The following RFX4 variants were observed in gnomAD, a reference collection of about 807,000 sequenced individuals.
RFX4 encodes the protein regulatory factor X4, also known as transcription factor RFX4.
RFX4 carries 10 observed loss-of-function variants against 95.0 expected under a neutral mutation model. That is an observed-to-expected ratio of 0.11 (90% CI 0.06 to 0.18). RFX4 has a LOEUF of 0.18. Among genes scored for constraint, RFX4 ranks in the 10% least tolerant of loss-of-function variants. The pLI is 1.00. For missense variants in RFX4, 640 were observed against 922.0 expected (o/e 0.69, Z 3.96); for synonymous variants, 321 against 340.7 (o/e 0.94, Z 0.64).
chr12:106,645,909 G>A (rs1182230416), intron 3 of RFX4: 10 of 1,288,964 alleles, frequency 7.8e-6, no homozygotes, highest in South Asian at 1.2e-5. Flanking sequence ...GTGTCCCTCC[G>A]GATGACCTCA....
intron 3 of RFX4, among the ~76,000 whole-genome samples, chr12:106,639,762 T>C (rs1183178769): frequency 1.3e-5 from 2 of 152,210 alleles, no homozygotes; most frequent in African/African-American, 4.8e-5. Flanking sequence ...CAATTGTATA[T>C]AATTATTTTA....
rs773161458 is a variant in RFX4 at position 106,696,370 on chromosome 12, G to A, written c.757G>A (p.Gly253Ser). ...LGSSTVVNIV[G>S]VCDSILYKAI... ...CTCCTCCACGGTGGTGAACATTGTC[G>A]GCGTGTGTGACTCCATCCTCTACAA... Residue 253 changes from glycine (G) to serine (S), a missense_variant, in exon 8 of 18, where the codon GGC becomes AGC. This residue lies in a region of RFX4 where 96 missense variants were observed against 183.7 expected (regional missense o/e 0.52). Coordinates refer to ENST00000392842, the MANE Select transcript of RFX4 (RefSeq NM_213594.3). The A allele has an allele frequency of 1.2e-6, 2 of 1,614,064 alleles. No homozygotes were observed. The highest frequency in any genetic ancestry group is 1.7e-6 in the Non-Finnish European group (2 of 1,180,006).
chr12:106,740,595 T>C (rs981355870), intron 15 of RFX4, among the ~76,000 whole-genome samples: 3 of 152,176 alleles, frequency 2.0e-5, no homozygotes, highest in Non-Finnish European at 4.4e-5. Flanking sequence ...TCAACAAATA[T>C]ATATTTCGTG....
At chr12:106,668,627 G>T (rs2041222938) in intron 4 of RFX4, among the ~76,000 whole-genome samples, 1 of 151,894 alleles carries the variant, frequency 6.6e-6, no homozygotes, top group South Asian at 2.1e-4. Flanking sequence ...AGGATGAAGG[G>T]GAAAAAAGAA....
intron 17 of RFX4, among the ~76,000 whole-genome samples, chr12:106,756,064 C>T (rs1368398831): frequency 6.6e-6 from 1 of 152,204 alleles, no homozygotes; most frequent in African/African-American, 2.4e-5. Context: ...TTCCTGGGTA[C>T]TACAAAGGTA....
chr12:106,589,247 A>G (rs2039505016), intron 1 of RFX4, among the ~76,000 whole-genome samples: 1 of 152,196 alleles, frequency 6.6e-6, no homozygotes. Flanking sequence ...AAAATAGACT[A>G]CTTTGGGTTT....
intron 7 of RFX4, among the ~76,000 whole-genome samples, chr12:106,695,336 A>T (rs1212378685): frequency 6.6e-6 from 1 of 152,180 alleles, no homozygotes; most frequent in Non-Finnish European, 1.5e-5. Flanking sequence ...AGATTTTCTC[A>T]AATGTTATTA....
At chr12:106,755,839 G>A (rs752972182) in intron 17 of RFX4, among the ~76,000 whole-genome samples, 1 of 152,200 alleles carries the variant, frequency 6.6e-6, no homozygotes, top group Non-Finnish European at 1.5e-5. Flanking sequence ...AATATGGTTG[G>A]AGAAATGCAA....
At chr12:106,589,834 G>GA (rs2137164681) in intron 1 of RFX4, among the ~76,000 whole-genome samples, 2 of 152,356 alleles carry the variant, frequency 1.3e-5, no homozygotes, top group East Asian at 3.9e-4. Context: ...CTTTAAGGGG[G>GA]ATTTTAAATG....
chr12:106,666,909 GC>G (rs2041187948), intron 4 of RFX4, among the ~76,000 whole-genome samples: 1 of 151,708 alleles, frequency 6.6e-6, no homozygotes, highest in African/African-American at 2.4e-5. Flanking sequence ...CTGGTTCTGA[GC>G]CTTGCTGTTT....
At chr12:106,596,322 G>T (rs1322535566) in intron 1 of RFX4, among the ~76,000 whole-genome samples, 4 of 152,148 alleles carry the variant, frequency 2.6e-5, no homozygotes, top group Admixed American at 6.5e-5. Context: ...TGCCATCCAC[G>T]TAAGATGTGA....
intron 4 of RFX4, among the ~76,000 whole-genome samples, chr12:106,666,593 T>C (rs1370529732): frequency 6.6e-6 from 1 of 152,202 alleles, no homozygotes; most frequent in African/African-American, 2.4e-5. Context: ...GATGTTCTGT[T>C]CGGTTTTTCA....
At position 106,707,331 on chromosome 12, in the gene RFX4, A is replaced by T. The variant is rs566375390; in HGVS notation, c.834-1999A>T. ...TGCAAAAGTTAAGTGCAGACAGTGAATCTGCACAGATGGGAATTTCGCAGA... is the reference window on the plus strand; with the variant it reads ...TGCAAAAGTTAAGTGCAGACAGTGATTCTGCACAGATGGGAATTTCGCAGA... On this transcript the variant is annotated intron_variant, in intron 8 of 17. Coordinates refer to ENST00000392842, the MANE Select transcript of RFX4 (RefSeq NM_213594.3). Among the ~76,000 whole-genome samples the T allele has an allele frequency of 1.8e-4, 28 of 152,246 alleles. No individual in the cohort carries two copies. The Middle Eastern group carries it at 0.014, about 74-fold the overall frequency.
At chr12:106,711,198 C>T (rs1299869812) in intron 9 of RFX4, among the ~76,000 whole-genome samples, 1 of 152,176 alleles carries the variant, frequency 6.6e-6, no homozygotes, top group Non-Finnish European at 1.5e-5. Context: ...ATTTCTCACA[C>T]CTGCGAGTGT....
intron 11 of RFX4, among the ~76,000 whole-genome samples, chr12:106,717,000 CAAAAAAAAAAAA>C (rs71311249): frequency 5.0e-5 from 3 of 60,512 alleles, no homozygotes; most frequent in Non-Finnish European, 9.7e-5. Flanking sequence ...GCACAGGAGA[CAAAAAAAAAAAA>C]AAAAAAAAAA....
chr12:106,695,078 T>C (rs964031172), intron 7 of RFX4, among the ~76,000 whole-genome samples: 24 of 152,018 alleles, frequency 1.6e-4, no homozygotes, highest in South Asian at 4.2e-4. Context: ...TGCCCCAAAA[T>C]GTTAGACTAG....
At chr12:106,663,153 C>T (rs1645061122) in intron 4 of RFX4, among the ~76,000 whole-genome samples, 3 of 152,060 alleles carry the variant, frequency 2.0e-5, no homozygotes, top group African/African-American at 7.2e-5. Context: ...ATGGGAATAA[C>T]TGACATATTG....
intron 1 of RFX4, among the ~76,000 whole-genome samples, chr12:106,604,756 C>G (rs565668330): frequency 1.3e-5 from 2 of 152,098 alleles, no homozygotes; most frequent in Non-Finnish European, 2.9e-5. Context: ...ACTGAAGAGG[C>G]TGTTGTGTAT....
At chr12:106,630,166 G>A (rs2040390692) in intron 2 of RFX4, among the ~76,000 whole-genome samples, 1 of 152,120 alleles carries the variant, frequency 6.6e-6, no homozygotes, top group Non-Finnish European at 1.5e-5. Flanking sequence ...ATGGTGGGCA[G>A]ATGAGACCAT....
Sources: allele counts gnomAD v4.1 joint callset (sites outside exome capture counted in the v4.1 genomes callset), GRCh38; gene constraint gnomAD v4.1.1; regional missense constraint gnomAD v4.1.1; transcripts MANE v1.5; gene names NCBI Gene and HGNC (gene_info 2026-07-23, HGNC 2026-07-21).